Variants in CSMD1 observed in about 807,000 individuals in gnomAD.
The protein encoded by CSMD1 is CUB and sushi domain-containing protein 1.
Under a neutral mutation model 417.5 loss-of-function variants are expected in CSMD1, and 213 were observed. The ratio of observed to expected loss-of-function variants is 0.51; its 90% CI spans 0.46 to 0.57. The LOEUF is 0.57. Ranked by LOEUF, CSMD1 falls within the 20% of genes least tolerant of loss-of-function variation. The probability of loss-of-function intolerance (pLI) is 0.00; values close to 1 mark genes in which losing one functional copy is unlikely to be tolerated. For missense variants in CSMD1, 6,923 were observed against 4,529.7 expected (o/e 1.53, Z -15.17); for synonymous variants, 2,862 against 1,736.8 (o/e 1.65, Z -16.11).
intron 5 of CSMD1, among the ~76,000 whole-genome samples, chr8:3,829,413 AATGAG>A (rs1273750613): frequency 1.3e-5 from 2 of 152,180 alleles, no homozygotes; most frequent in Middle Eastern, 6.4e-3. Flanking sequence ...CAACAGTCAG[AATGAG>A]ATAAGTCAAT....
chr8:3,308,732 G>GTGTTTTTTTTTTTTTTT (rs1805090018), intron 23 of CSMD1, among the ~76,000 whole-genome samples: 1 of 108,930 alleles, frequency 9.2e-6, no homozygotes, highest in African/African-American at 3.6e-5. Context: ...CTACTTACAA[G>GTGTTTTTTTTTTTTTTT]TTTTTTTTTT....
At chr8:3,719,604 G>C (rs1053120117) in intron 6 of CSMD1, among the ~76,000 whole-genome samples, 1 of 152,142 alleles carries the variant, frequency 6.6e-6, no homozygotes, top group Non-Finnish European at 1.5e-5. Context: ...TGTGATGAAC[G>C]AAAAAGATGC....
chr8:3,457,999 T>C (rs1362771094), intron 12 of CSMD1, among the ~76,000 whole-genome samples: 1 of 152,198 alleles, frequency 6.6e-6, no homozygotes, highest in Non-Finnish European at 1.5e-5. Flanking sequence ...TCACAAGCTC[T>C]TTCATAATTC....
At chr8:4,348,532 G>T (rs1010440841) in intron 3 of CSMD1, among the ~76,000 whole-genome samples, 6 of 148,534 alleles carry the variant, frequency 4.0e-5, no homozygotes, top group African/African-American at 4.9e-5. Flanking sequence ...TTTGAGAGTT[G>T]TATCACAAAT....
At chr8:4,505,103 A>C (rs1053595365) in intron 2 of CSMD1, among the ~76,000 whole-genome samples, 33 of 152,192 alleles carry the variant, frequency 2.2e-4, no homozygotes, top group Non-Finnish European at 4.4e-5. Flanking sequence ...TACCAACACC[A>C]ATATAAGCAC....
At chr8:3,468,272 A>C (rs1816894039) in intron 12 of CSMD1, among the ~76,000 whole-genome samples, 1 of 152,228 alleles carries the variant, frequency 6.6e-6, no homozygotes, top group Non-Finnish European at 1.5e-5. Flanking sequence ...CTCAAAAACA[A>C]TGACAGGCAC....
intron 1 of CSMD1, among the ~76,000 whole-genome samples, chr8:4,872,434 T>A (rs1466508389): frequency 6.6e-6 from 1 of 152,050 alleles, no homozygotes; most frequent in Non-Finnish European, 1.5e-5. Flanking sequence ...CTATGAAGTC[T>A]GACGGTTTTA....
chr8:4,707,886 C>CAAAA (rs552510236), intron 1 of CSMD1, among the ~76,000 whole-genome samples: 103 of 100,826 alleles, frequency 1.0e-3, no homozygotes, highest in Non-Finnish European at 1.5e-3. Context: ...GACTTTGTTT[C>CAAAA]AAAAAAAAAA....
chr8:4,570,683 T>C (rs1798849678), intron 2 of CSMD1, among the ~76,000 whole-genome samples: 3 of 152,214 alleles, frequency 2.0e-5, no homozygotes, highest in African/African-American at 7.2e-5. Context: ...GGATTCCCTC[T>C]TTTTCTACTG....
At chr8:3,010,402 G>C (rs189831330) in intron 52 of CSMD1, among the ~76,000 whole-genome samples, 1 of 152,136 alleles carries the variant, frequency 6.6e-6, no homozygotes. Flanking sequence ...ACCTGCCCTA[G>C]AGCGGGTGTC....
intron 40 of CSMD1, among the ~76,000 whole-genome samples, chr8:3,149,102 T>C (rs1247056131): frequency 3.3e-5 from 5 of 152,312 alleles, no homozygotes; most frequent in African/African-American, 1.2e-4. Context: ...TTTCTTTAAA[T>C]AGTTTGTTTA....
chr8:2,973,779 G>GT (rs1804669021), intron 56 of CSMD1, among the ~76,000 whole-genome samples: 1 of 151,946 alleles, frequency 6.6e-6, no homozygotes, highest in African/African-American at 2.4e-5. Flanking sequence ...TAAAGATAAT[G>GT]TTTTTTTTCT....
At chr8:3,996,702 A>C (rs1815250141) in intron 5 of CSMD1, among the ~76,000 whole-genome samples, 2 of 152,218 alleles carry the variant, frequency 1.3e-5, no homozygotes. Context: ...GCATGAAAAA[A>C]ATTGAAAACA....
At chr8:4,863,015 C>A (rs1585229237) in intron 1 of CSMD1, among the ~76,000 whole-genome samples, 1 of 152,042 alleles carries the variant, frequency 6.6e-6, no homozygotes, top group Non-Finnish European at 1.5e-5. Flanking sequence ...TCAAGGGGAA[C>A]ACACTCTGAC....
intron 6 of CSMD1, 79 bp downstream of exon 6, chr8:3,753,851 C>A: frequency 1.0e-6 from 1 of 991,180 alleles, no homozygotes; most frequent in Non-Finnish European, 1.5e-6. Flanking sequence ...TATCCAACTC[C>A]TAAAATTTCA....
chr8:4,017,336 G>A lies in CSMD1; in HGVS notation c.610+14569C>T, dbSNP rs561763583. Among the ~76,000 whole-genome samples, 15 of 151,894 alleles carry A rather than the reference G, an allele frequency of 9.9e-5. 1 individual carries two copies. The highest frequency in any genetic ancestry group is 8.3e-4 in the South Asian group (4 of 4,816). ...TTTAGGGGAGGGAGGACAAAGTTTC[G>A]CTCTTGTTGCCCAGGCTGGAGTGCA... is the stretch of plus-strand genomic sequence containing the variant. On this transcript the variant is annotated intron_variant, in intron 4 of 69. Transcript: ENST00000635120.
At chr8:3,571,553 ATCTC>A (rs59503318) in intron 10 of CSMD1, among the ~76,000 whole-genome samples, 1 of 152,018 alleles carries the variant, frequency 6.6e-6, no homozygotes, top group Admixed American at 6.6e-5. Flanking sequence ...CCACGGCGTC[ATCTC>A]TCTCTCTCCT....
chr8:4,450,659 C>T (rs557636810), intron 2 of CSMD1, among the ~76,000 whole-genome samples: 1 of 152,242 alleles, frequency 6.6e-6, no homozygotes, highest in South Asian at 2.1e-4. Flanking sequence ...TACTTTGATG[C>T]AGTATCCACT....
At chr8:4,309,385 G>A (rs1323584972) in intron 3 of CSMD1, among the ~76,000 whole-genome samples, 1 of 152,016 alleles carries the variant, frequency 6.6e-6, no homozygotes, top group Non-Finnish European at 1.5e-5. Flanking sequence ...GTCCCTTAGA[G>A]AAGACCCTCA....
Sources: allele counts gnomAD v4.1 joint callset (sites outside exome capture counted in the v4.1 genomes callset), GRCh38; gene constraint gnomAD v4.1.1; transcripts MANE v1.5; gene names NCBI Gene and HGNC (gene_info 2026-07-23, HGNC 2026-07-21).